USP22: variants seen among roughly 807,000 people sequenced by gnomAD.
The protein encoded by USP22 is ubiquitin carboxyl-terminal hydrolase 22.
Under a neutral mutation model 68.1 loss-of-function variants are expected in USP22, and 22 were observed. The ratio of observed to expected loss-of-function variants is 0.32; its 90% CI spans 0.23 to 0.46. The LOEUF (loss-of-function observed/expected upper bound fraction) is 0.46. Ranked by LOEUF, USP22 falls within the 20% of genes least tolerant of loss-of-function variation. The pLI is 1.00. For missense variants in USP22, 433 were observed against 695.8 expected (o/e 0.62, Z 4.25); for synonymous variants, 279 against 274.2 (o/e 1.02, Z -0.17).
At chr17:21,006,015 G>A (rs1451552369) in intron 10 of USP22, among the ~76,000 whole-genome samples, 12 of 152,156 alleles carry the variant, frequency 7.9e-5, no homozygotes, top group African/African-American at 2.2e-4. Context: ...GAAGGAACAC[G>A]TGGAACCACC....
chr17:21,036,142 C>G (rs1288190450), intron 1 of USP22, among the ~76,000 whole-genome samples: 1 of 150,550 alleles, frequency 6.6e-6, no homozygotes, highest in African/African-American at 2.5e-5. Flanking sequence ...ACTGTATGAA[C>G]CCAATGATAT....
At chr17:21,015,061 C>CCTGTATGG (rs1914089096) in intron 6 of USP22, among the ~76,000 whole-genome samples, 1 of 152,136 alleles carries the variant, frequency 6.6e-6, no homozygotes, top group East Asian at 1.9e-4. Flanking sequence ...ACTTCAGCTG[C>CCTGTATGG]AGGTCCCTCA....
Position 21,006,947 on chromosome 17 carries a change from G to A in USP22, c.1271C>T (p.Thr424Met). The change falls in exon 10 of 13, where the codon ACG becomes ATG. Residue 424 changes from threonine to methionine, a missense_variant. Physicochemically the swap from Thr to Met is moderately conservative, Grantham distance 81. Transcript: ENST00000261497. ...HSAKLRRKIT[T>M]YVSFPLELDM... ...CAGCTCCAGGGGGAAGGACACATACGTGGTGATCTTCCGCCGCAGCTTGGC... is the reference window on the plus strand; with the variant it reads ...CAGCTCCAGGGGGAAGGACACATACATGGTGATCTTCCGCCGCAGCTTGGC... The A allele has an allele frequency of 1.2e-6, 2 of 1,609,658 alleles. No individual in the cohort carries two copies. The highest frequency in any genetic ancestry group is 1.7e-6 in the Non-Finnish European group (2 of 1,177,718).
intron 8 of USP22, 131 bp from the exon 9 acceptor site, chr17:21,008,127 G>GA (rs760124554): frequency 1.6e-5 from 18 of 1,127,016 alleles, no homozygotes; most frequent in Non-Finnish European, 2.2e-5. Flanking sequence ...AACTAAAAAT[G>GA]AAACAATGAA....
chr17:21,021,362 G>T (rs1172116965), intron 2 of USP22, 136 bp from the exon 3 acceptor site: 1 of 643,502 alleles, frequency 1.6e-6, no homozygotes. Context: ...AAGCAGGGAA[G>T]CCAGTCCAGC....
intron 6 of USP22, among the ~76,000 whole-genome samples, chr17:21,014,155 T>C (rs1056183296): frequency 6.6e-6 from 1 of 152,258 alleles, no homozygotes; most frequent in Non-Finnish European, 1.5e-5. Flanking sequence ...ACCAAGGCCA[T>C]GTGGCCAGGC....
At chr17:21,021,917 TG>T (rs1362019255) in intron 2 of USP22, among the ~76,000 whole-genome samples, 1 of 152,052 alleles carries the variant, frequency 6.6e-6, no homozygotes, top group Non-Finnish European at 1.5e-5. Flanking sequence ...CTGGTCAACA[TG>T]GTGAAACCCC....
At chr17:21,039,706 AC>A (rs1176714861) in intron 1 of USP22, among the ~76,000 whole-genome samples, 1 of 152,246 alleles carries the variant, frequency 6.6e-6, no homozygotes, top group Non-Finnish European at 1.5e-5. Flanking sequence ...TCCTTAGATA[AC>A]AAAACTCGTA....
chr17:21,042,718 C>T lies in USP22; in HGVS notation c.118G>A (p.Ala40Thr). 6.9e-7 allele frequency: 1 copy of T among 1,457,048 alleles called. No individual in the cohort carries two copies. Among genetic ancestry groups the T allele is most frequent in the Admixed American group, 2.2e-5 (1 of 45,576 alleles). 90.3% of individuals were successfully genotyped at this position (1,457,048 alleles called of 1,614,324 possible). Residue 40 changes from alanine (A) to threonine (T), a missense_variant, in exon 1 of 13, where the codon GCC becomes ACC. By Grantham distance (58) the Ala-to-Thr change is moderately conservative (BLOSUM62 0). Around this residue, in one of 4 missense-constraint regions of USP22, gnomAD observed 110 missense variants for 89.9 expected, o/e 1.22. Transcript: ENST00000261497. ...CTCCACACGAAGCACTGGTAGATGG[C>T]CCGCAGGTTCTGCTTCCAGTTGTCC... Reference protein sequence around the residue: ...KVDNWKQNLRAIYQCFVWSGT... With the variant: ...KVDNWKQNLRTIYQCFVWSGT...
intron 1 of USP22, among the ~76,000 whole-genome samples, chr17:21,040,210 AAAC>A (rs1242114190): frequency 2.6e-5 from 4 of 152,212 alleles, no homozygotes; most frequent in Non-Finnish European, 5.9e-5. Flanking sequence ...AAAATTTAAA[AAAC>A]AAAATGTCCT....
At chr17:21,030,097 A>G (rs1287242677) in intron 1 of USP22, among the ~76,000 whole-genome samples, 1 of 152,216 alleles carries the variant, frequency 6.6e-6, no homozygotes, top group Non-Finnish European at 1.5e-5. Context: ...CTCAGGTACC[A>G]AACTCCATGG....
intron 3 of USP22, 139 bp from the exon 4 acceptor site, chr17:21,019,324 A>C: frequency 2.6e-6 from 2 of 781,060 alleles, no homozygotes; most frequent in Non-Finnish European, 4.3e-6. Flanking sequence ...GGGCTTTCTC[A>C]AACTCTACTG....
intron 1 of USP22, among the ~76,000 whole-genome samples, chr17:21,031,998 A>G (rs1038592272): frequency 6.6e-6 from 1 of 152,270 alleles, no homozygotes; most frequent in African/African-American, 2.4e-5. Context: ...ATAGTCACAC[A>G]CCACATAGCA....
At position 21,006,930 on chromosome 17, in the gene USP22, G is replaced by C; in HGVS notation, c.1288C>G (p.Leu430Val). Residue 430 changes from leucine (L) to valine (V), a missense_variant, in exon 10 of 13, where the codon CTG becomes GTG. Coordinates refer to ENST00000261497, the MANE Select transcript of USP22 (RefSeq NM_015276.2). ...RKITTYVSFPLELDMTPFMAS... is the reference protein window; with the variant it reads ...RKITTYVSFPVELDMTPFMAS... Reference sequence around the variant, plus strand: ...ATGAAAGGGGTCATGTCCAGCTCCAGGGGGAAGGACACATACGTGGTGATC... The same window carrying C: ...ATGAAAGGGGTCATGTCCAGCTCCACGGGGAAGGACACATACGTGGTGATC... 1 of 1,609,420 alleles carries C rather than the reference G, an allele frequency of 6.2e-7. No homozygotes were observed. The highest frequency in any genetic ancestry group is 8.5e-7 in the Non-Finnish European group (1 of 1,177,690).
intron 2 of USP22, among the ~76,000 whole-genome samples, chr17:21,021,584 C>G (rs892456001): frequency 4.6e-5 from 7 of 152,234 alleles, no homozygotes; most frequent in African/African-American, 1.7e-4. Context: ...CCACCTGACA[C>G]GGAGTGACTA....
At chr17:21,033,915 AC>A (rs1360405260) in intron 1 of USP22, among the ~76,000 whole-genome samples, 8 of 152,042 alleles carry the variant, frequency 5.3e-5, no homozygotes, top group African/African-American at 1.9e-4. Context: ...TGCTCGGCTA[AC>A]TTTTTGTATT....
chr17:21,020,244 CAAAAAAAAAAAAAAAAAAA>C (rs3047597), intron 3 of USP22, among the ~76,000 whole-genome samples: 1 of 73,252 alleles, frequency 1.4e-5, no homozygotes, highest in Non-Finnish European at 2.5e-5. Context: ...AATCAAAAAC[CAAAAAAAAAAAAAAAAAAA>C]AAAAAAGGAA....
Position 21,031,372 on chromosome 17 carries a change from C to A in USP22, c.172-2698G>T, listed in dbSNP as rs553726504. The stretch of plus-strand genomic sequence containing the variant: ...GATATACTCAGCAGCGTGGATGAAT[C>A]TCAGAAACCTAACACTGAACAAAAC... On this transcript the variant is annotated intron_variant, in intron 1 of 12. Coordinates refer to ENST00000261497, the MANE Select transcript of USP22 (RefSeq NM_015276.2). Among the ~76,000 whole-genome samples, 11 of 152,376 alleles carry A rather than the reference C, an allele frequency of 7.2e-5. No individual in the cohort carries two copies. In the South Asian group the frequency reaches 2.3e-3, roughly 32 times the overall value.
Position 21,019,081 on chromosome 17 carries a change from C to G in USP22, c.520+3G>C. The G allele has an allele frequency of 6.2e-7, 1 of 1,614,006 alleles. No individual in the cohort carries two copies. Among genetic ancestry groups the G allele is most frequent in the Non-Finnish European group, 8.5e-7 (1 of 1,179,888 alleles). Reference sequence around the variant, plus strand: ...GCTGAGAGTGACGACACGCTCCACCCACCTATGGTGCAGTTCGAGGTGATC... The same window carrying G: ...GCTGAGAGTGACGACACGCTCCACCGACCTATGGTGCAGTTCGAGGTGATC... On this transcript the variant is annotated splice_donor_region_variant and intron_variant, in intron 4 of 12. Transcript: ENST00000261497.
Sources: gnomAD v4.1 joint callset for allele counts (sites outside exome capture counted in the v4.1 genomes callset) on GRCh38, gnomAD v4.1.1 for gene constraint, gnomAD v4.1.1 regional missense constraint, MANE v1.5 for transcripts, NCBI Gene and HGNC (gene_info 2026-07-23, HGNC 2026-07-21) for gene names.